Variants in MRPS28 observed in about 807,000 individuals in gnomAD.
MRPS28 encodes the protein small ribosomal subunit protein bS1m.
Under a neutral mutation model 10.8 loss-of-function variants are expected in MRPS28, and 7 were observed. That is an observed-to-expected ratio of 0.65 (90% CI 0.37 to 1.22). MRPS28 has a LOEUF of 1.22. Among genes scored for constraint, MRPS28 ranks in the 50% most tolerant of loss-of-function variants. The pLI is 0.02. For synonymous variants in MRPS28, 121 were observed against 93.3 expected (o/e 1.30, Z -1.71); for missense variants, 265 against 232.9 (o/e 1.14, Z -0.90).
intron 2 of MRPS28, among the ~76,000 whole-genome samples, chr8:79,970,659 T>C (rs185841454): frequency 5.9e-5 from 9 of 152,238 alleles, no homozygotes; most frequent in Admixed American, 5.9e-4. Flanking sequence ...CACAGAAAAA[T>C]AACTCCTTAA....
intron 1 of MRPS28, among the ~76,000 whole-genome samples, chr8:80,009,331 C>T (rs1439167467): frequency 4.0e-5 from 6 of 151,626 alleles, no homozygotes; most frequent in Admixed American, 6.6e-5. Flanking sequence ...ATGTAAATGA[C>T]GAGTTAATGG....
At chr8:79,928,072 C>A (rs1188598651) in intron 2 of MRPS28, among the ~76,000 whole-genome samples, 2 of 152,102 alleles carry the variant, frequency 1.3e-5, no homozygotes, top group Non-Finnish European at 2.9e-5. Context: ...ACCTATAATA[C>A]CAGCACTTTG....
chr8:79,949,430 A>T (rs578132731), intron 2 of MRPS28, among the ~76,000 whole-genome samples: 11 of 150,682 alleles, frequency 7.3e-5, no homozygotes, highest in Non-Finnish European at 1.5e-4. Flanking sequence ...AAAAAAAAAC[A>T]ACAACAAAAA....
At chr8:79,964,628 C>T (rs748407642) in intron 2 of MRPS28, among the ~76,000 whole-genome samples, 5 of 151,928 alleles carry the variant, frequency 3.3e-5, no homozygotes, top group Non-Finnish European at 5.9e-5. Context: ...TTTTTCTCAT[C>T]TGCAAAAATG....
chr8:79,921,488 C>A (rs1425185759), intron 2 of MRPS28, among the ~76,000 whole-genome samples: 5 of 149,758 alleles, frequency 3.3e-5, no homozygotes, highest in African/African-American at 1.2e-4. Flanking sequence ...TGTAGTTCTC[C>A]TTGAAGAGGT....
chr8:79,958,575 T>G, intron 2 of MRPS28: 1 of 568,234 alleles, frequency 1.8e-6, no homozygotes, highest in Admixed American at 3.4e-5. Context: ...TTGATTTTGT[T>G]GAGTTTTTCT....
At position 79,953,193 on chromosome 8, in the gene MRPS28, T is replaced by C. The variant is rs193233163; in HGVS notation, c.396-34045A>G. Among the ~76,000 whole-genome samples the C allele has an allele frequency of 2.6e-3, 390 of 152,266 alleles. 4 individuals are homozygous for C. The highest frequency in any genetic ancestry group is 0.019 in the South Asian group (94 of 4,826). On this transcript the variant is annotated intron_variant, in intron 2 of 2. Transcript: ENST00000276585. ...GGCTGCAGCCGTTTTCTCTCTTTTTTAAAAAATACAATGCCACTCCAGTTG... is the reference window on the plus strand; with the variant it reads ...GGCTGCAGCCGTTTTCTCTCTTTTTCAAAAAATACAATGCCACTCCAGTTG...
chr8:79,984,877 G>A (rs560120698), intron 2 of MRPS28, among the ~76,000 whole-genome samples: 1 of 152,218 alleles, frequency 6.6e-6, no homozygotes, highest in African/African-American at 2.4e-5. Flanking sequence ...GAGACAGAAA[G>A]TTAATAAGGA....
chr8:79,975,990 TGG>T (rs1245344535), intron 2 of MRPS28, among the ~76,000 whole-genome samples: 1 of 152,222 alleles, frequency 6.6e-6, no homozygotes, highest in Non-Finnish European at 1.5e-5. Context: ...CATAGTTAGC[TGG>T]CCCTGACATA....
intron 2 of MRPS28, among the ~76,000 whole-genome samples, chr8:79,965,095 T>C (rs952410724): frequency 6.6e-6 from 1 of 152,104 alleles, no homozygotes; most frequent in Non-Finnish European, 1.5e-5. Flanking sequence ...AGGTAAGTAA[T>C]TTGAAATTTC....
intron 2 of MRPS28, among the ~76,000 whole-genome samples, chr8:79,995,923 A>G (rs1283201086): frequency 3.3e-5 from 5 of 152,242 alleles, no homozygotes; most frequent in South Asian, 2.1e-4. Context: ...AGACAAGGGC[A>G]TAACAGCAGT....
At chr8:79,937,510 C>A (rs1240967035) in intron 2 of MRPS28, among the ~76,000 whole-genome samples, 1 of 152,112 alleles carries the variant, frequency 6.6e-6, no homozygotes, top group East Asian at 1.9e-4. Flanking sequence ...ATTTTCAACG[C>A]CTGAAAAAAC....
intron 2 of MRPS28, among the ~76,000 whole-genome samples, chr8:79,971,977 G>T (rs959127924): frequency 3.9e-5 from 6 of 152,110 alleles, no homozygotes; most frequent in Non-Finnish European, 8.8e-5. Flanking sequence ...TGGGATTACC[G>T]GTGTGAGCCA....
intron 2 of MRPS28, among the ~76,000 whole-genome samples, chr8:79,930,155 A>T (rs1039474388): frequency 6.6e-6 from 1 of 152,200 alleles, no homozygotes; most frequent in Non-Finnish European, 1.5e-5. Flanking sequence ...GAAGCTAAAG[A>T]TTATTCTGGA....
intron 2 of MRPS28, among the ~76,000 whole-genome samples, chr8:79,919,994 T>A (rs934907848): frequency 1.8e-4 from 25 of 135,418 alleles, no homozygotes; most frequent in African/African-American, 2.5e-4. Flanking sequence ...CCTGTGTCCA[T>A]GTGTTCTCAT....
chr8:79,983,960 G>C (rs537979035), intron 2 of MRPS28, among the ~76,000 whole-genome samples: 1 of 152,182 alleles, frequency 6.6e-6, no homozygotes, highest in South Asian at 2.1e-4. Context: ...GCAACTCCAA[G>C]ACACATAATT....
intron 2 of MRPS28, among the ~76,000 whole-genome samples, chr8:79,964,691 T>C (rs1807460216): frequency 6.6e-6 from 1 of 152,036 alleles, no homozygotes; most frequent in African/African-American, 2.4e-5. Flanking sequence ...ATAATAATAC[T>C]AGCACTTACT....
chr8:79,965,107 C>T (rs2130018987), intron 2 of MRPS28, among the ~76,000 whole-genome samples: 1 of 152,126 alleles, frequency 6.6e-6, no homozygotes, highest in Non-Finnish European at 1.5e-5. Flanking sequence ...TGAAATTTCC[C>T]TCAAGTTTAA....
chr8:79,995,230 A>G (rs1449185445), intron 2 of MRPS28, among the ~76,000 whole-genome samples: 1 of 152,194 alleles, frequency 6.6e-6, no homozygotes, highest in East Asian at 1.9e-4. Flanking sequence ...TGGTGACTCA[A>G]TGAAAAATCT....
Sources: allele counts gnomAD v4.1 joint callset (sites outside exome capture counted in the v4.1 genomes callset), GRCh38; gene constraint gnomAD v4.1.1; transcripts MANE v1.5; gene names NCBI Gene and HGNC (gene_info 2026-07-23, HGNC 2026-07-21).